TRPV1: variants seen among roughly 807,000 people sequenced by gnomAD.
The protein encoded by TRPV1 is OTRPC1.
In TRPV1, 82 loss-of-function variants were observed where a neutral mutation model predicts 82.3. The observed-to-expected ratio is 1.00, with a 90% CI of 0.83 to 1.20. The LOEUF is 1.20. Ranked by LOEUF, TRPV1 falls within the 50% of genes most tolerant of loss-of-function variation. The probability of loss-of-function intolerance (pLI) is 0.00; values close to 1 mark genes in which losing one functional copy is unlikely to be tolerated. For synonymous variants in TRPV1, 515 were observed against 467.7 expected, an observed-to-expected ratio of 1.10 and a Z score of -1.30; for missense variants, 1,067 against 1,096.8, an observed-to-expected ratio of 0.97 and a Z score of 0.38.
intron 8 of TRPV1, among the ~76,000 whole-genome samples, chr17:3,586,379 G>A (rs150245230): frequency 9.1e-4 from 139 of 152,310 alleles, no homozygotes; most frequent in Admixed American, 1.6e-3. Flanking sequence ...AGGGAGGCAG[G>A]GAACTAGGAG....
intron 10 of TRPV1, among the ~76,000 whole-genome samples, chr17:3,581,931 C>G (rs995879144): frequency 2.7e-5 from 4 of 146,002 alleles, no homozygotes; most frequent in Non-Finnish European, 6.0e-5. Flanking sequence ...TGGCTCACAC[C>G]TGTAATCCCA....
chr17:3,603,073 T>G (rs161372), intron 2 of TRPV1, among the ~76,000 whole-genome samples: 84,784 of 151,452 alleles, frequency 0.56, 26,712 homozygotes, highest in Non-Finnish European at 0.69. Context: ...TGAGCTGAGA[T>G]CACGCCATTG....
chr17:3,589,851 C>T lies in TRPV1; in HGVS notation c.1000G>A (p.Gly334Arg). 1 of 1,613,850 alleles carries T rather than the reference C, an allele frequency of 6.2e-7. No homozygotes were observed. The highest frequency in any genetic ancestry group is 8.5e-7 in the Non-Finnish European group (1 of 1,179,862). ...LKLEELTNKKGMTPLALAAGT... is the reference protein window; with the variant it reads ...LKLEELTNKKRMTPLALAAGT... Reference sequence around the variant, plus strand: ...GCTGCCAGAGCCAGCGGCGTCATTCCCTTCTTGTTGGTGAGCTCCTCCAGC... The same window carrying T: ...GCTGCCAGAGCCAGCGGCGTCATTCTCTTCTTGTTGGTGAGCTCCTCCAGC... The change falls in exon 7 of 17, where the codon GGA becomes AGA. Residue 334 changes from glycine (G) to arginine (R), a missense_variant. Transcript: ENST00000572705.
chr17:3,575,608 C>G (rs997599143), intron 13 of TRPV1, among the ~76,000 whole-genome samples: 4 of 152,122 alleles, frequency 2.6e-5, no homozygotes, highest in Admixed American at 2.6e-4. Context: ...CACATAGTTT[C>G]AAAGCATCTC....
At position 3,585,913 on chromosome 17, in the gene TRPV1, A is replaced by C. The variant is rs766266994; in HGVS notation, c.1238T>G (p.Met413Arg). ...SSSETPNRHD[M>R]LLVEPLNRLL... is the part of the protein sequence containing the mutation. ...TCGGTTCAGCGGCTCCACCAAGAGC[A>C]TGTCGTGGCGATTCTAGGGGGTGGG... The change falls in exon 9 of 17, where the codon ATG (methionine) becomes AGG (arginine). Residue 413 changes from methionine to arginine, a missense_variant. By Grantham distance (91) the Met-to-Arg change is moderately conservative. Transcript: ENST00000572705. 1 of 1,613,866 alleles carries C rather than the reference A, an allele frequency of 6.2e-7. No homozygotes were observed. Among genetic ancestry groups the C allele is most frequent in the East Asian group, 2.2e-5 (1 of 44,862 alleles).
At chr17:3,568,936 A>G (rs1420055297) in intron 16 of TRPV1, among the ~76,000 whole-genome samples, 3 of 152,204 alleles carry the variant, frequency 2.0e-5, no homozygotes, top group African/African-American at 7.2e-5. Context: ...CTATGCAGCC[A>G]TAACAAAATG....
chr17:3,573,538 A>ACCCCCCC, intron 14 of TRPV1, 95 bp downstream of exon 14: 4 of 248,456 alleles, frequency 1.6e-5, no homozygotes, highest in South Asian at 3.3e-5. Flanking sequence ...CACCGCCCCC[A>ACCCCCCC]CCACCCACCC....
At position 3,589,867 on chromosome 17, in the gene TRPV1, C is replaced by T. The variant is rs753008880; in HGVS notation, c.984G>A (p.Glu328=). 6.2e-7 allele frequency: 1 copy of T among 1,613,502 alleles called. No individual in the cohort carries two copies. Among genetic ancestry groups the T allele is most frequent in the East Asian group, 2.2e-5 (1 of 44,872 alleles). ...AKLHPTLKLE[E]LTNKKGMTPL... is the part of the protein sequence containing the mutation. ...GCGTCATTCCCTTCTTGTTGGTGAG[C>T]TCCTCCAGCTTCAGCGTCGGGTGCA... Residue 328 remains glutamate (E), a synonymous_variant, in exon 7 of 17, where the codon GAG becomes GAA. Transcript: ENST00000572705.
At chr17:3,580,990 G>C (rs932002655) in intron 10 of TRPV1, among the ~76,000 whole-genome samples, 1 of 149,052 alleles carries the variant, frequency 6.7e-6, no homozygotes, top group Non-Finnish European at 1.5e-5. Flanking sequence ...TTGCACTCCA[G>C]CCTGGGTGAC....
intron 2 of TRPV1, among the ~76,000 whole-genome samples, chr17:3,606,858 C>T (rs1288090756): frequency 1.3e-5 from 2 of 152,156 alleles, no homozygotes; most frequent in East Asian, 1.9e-4. Context: ...ATGTCCATCC[C>T]GTTCCTAACC....
chr17:3,576,058 A>G (rs1414003041), intron 13 of TRPV1, among the ~76,000 whole-genome samples: 4 of 133,998 alleles, frequency 3.0e-5, no homozygotes, highest in East Asian at 4.1e-4. Context: ...TCTACTAAAA[A>G]TACAAAAAAA....
intron 2 of TRPV1, among the ~76,000 whole-genome samples, chr17:3,593,131 TG>T (rs2075183192): frequency 2.2e-5 from 1 of 45,268 alleles, no homozygotes; most frequent in Non-Finnish European, 3.9e-5. Context: ...TGTGTGTGTG[TG>T]TGTGTCTGTG....
At chr17:3,585,534 T>G in intron 9 of TRPV1, 5 of 501,712 alleles carry the variant, frequency 1.0e-5, no homozygotes, top group Admixed American at 3.3e-5. Context: ...GACCTCAAGG[T>G]TAAAGGAGAG....
At chr17:3,576,668 A>AAAAAAAAAAAAAAAAATATATATATAT in intron 13 of TRPV1, among the ~76,000 whole-genome samples, 5 of 38,380 alleles carry the variant, frequency 1.3e-4, no homozygotes, top group Non-Finnish European at 2.1e-4. Flanking sequence ...AAAAAAAAAA[A>AAAAAAAAAAAAAAAAATATATATATAT]ATATATATAT....
chr17:3,591,945 A>G, intron 3 of TRPV1, 122 bp downstream of exon 3: 1 of 1,373,966 alleles, frequency 7.3e-7, no homozygotes, highest in Non-Finnish European at 9.6e-7. Context: ...GGACCAGACC[A>G]CCCCTAAGGC....
chr17:3,585,983 C>T (rs547169548), intron 8 of TRPV1, 57 bp from the exon 9 acceptor site: 9 of 1,599,524 alleles, frequency 5.6e-6, no homozygotes, highest in Non-Finnish European at 7.7e-6. Context: ...CCTCGCACGC[C>T]CACACCAGCC....
chr17:3,606,147 G>C (rs771779585), intron 2 of TRPV1, among the ~76,000 whole-genome samples: 3 of 152,100 alleles, frequency 2.0e-5, no homozygotes, highest in Non-Finnish European at 4.4e-5. Flanking sequence ...TTTTAGTAGA[G>C]ACGGGGTTTC....
chr17:3,581,338 C>T (rs1473347805), intron 10 of TRPV1, among the ~76,000 whole-genome samples: 1 of 152,078 alleles, frequency 6.6e-6, no homozygotes, highest in Admixed American at 6.6e-5. Context: ...TAACAAGCCG[C>T]CACTGTCAGC....
intron 16 of TRPV1, among the ~76,000 whole-genome samples, chr17:3,568,268 G>A (rs1291453087): frequency 6.7e-6 from 1 of 149,690 alleles, no homozygotes; most frequent in Non-Finnish European, 1.5e-5. Context: ...CTTGCAGTGA[G>A]CCAAGATTGC....
Sources: gnomAD v4.1 joint callset for allele counts (sites outside exome capture counted in the v4.1 genomes callset) on GRCh38, gnomAD v4.1.1 for gene constraint, MANE v1.5 for transcripts, NCBI Gene and HGNC (gene_info 2026-07-23, HGNC 2026-07-21) for gene names.